The following RCOR1 variants were observed in gnomAD, a reference collection of about 807,000 sequenced individuals.
RCOR1 encodes REST corepressor.
In RCOR1, 12 loss-of-function variants were observed where a neutral mutation model predicts 64.0. That is an observed-to-expected ratio of 0.19 (90% CI 0.12 to 0.30). RCOR1 has a LOEUF of 0.30. RCOR1 is among the 10% of genes least tolerant of loss of function. The probability of loss-of-function intolerance (pLI) is 1.00; values close to 1 mark genes in which losing one functional copy is unlikely to be tolerated. For missense variants in RCOR1, 502 were observed against 621.2 expected, an observed-to-expected ratio of 0.81 and a Z score of 2.04; for synonymous variants, 279 against 227.2, an observed-to-expected ratio of 1.23 and a Z score of -2.05.
chr14:102,636,019 G>A (rs1456125379), intron 2 of RCOR1, among the ~76,000 whole-genome samples: 1 of 145,916 alleles, frequency 6.9e-6, no homozygotes, highest in East Asian at 2.2e-4. Context: ...TGCAACCTCC[G>A]CCTCCCAGGT....
At chr14:102,704,187 C>CT (rs1895804346) in intron 4 of RCOR1, among the ~76,000 whole-genome samples, 1 of 152,176 alleles carries the variant, frequency 6.6e-6, no homozygotes, top group Admixed American at 6.5e-5. Context: ...AGAGGGCCTG[C>CT]TTGACCCCAG....
chr14:102,677,146 C>T (rs1332636769), intron 2 of RCOR1, among the ~76,000 whole-genome samples: 32 of 134,102 alleles, frequency 2.4e-4, no homozygotes, highest in Non-Finnish European at 4.4e-4. Flanking sequence ...GGGCGGCTGG[C>T]CGGGCGGGGG....
At chr14:102,622,235 C>G (rs930927767) in intron 2 of RCOR1, among the ~76,000 whole-genome samples, 10 of 152,106 alleles carry the variant, frequency 6.6e-5, no homozygotes, top group African/African-American at 2.4e-4. Context: ...TCCTTAAAAT[C>G]ATAACTAAAA....
At chr14:102,686,459 G>A (rs1157209830) in intron 3 of RCOR1, among the ~76,000 whole-genome samples, 1 of 152,080 alleles carries the variant, frequency 6.6e-6, no homozygotes, top group African/African-American at 2.4e-5. Context: ...CTTATCACCC[G>A]AAATTCATAG....
In RCOR1 at chr14:102,592,950, GCCGCCTCCGCCTCCGCCGCCGCCGCCT is replaced by G. The variant is rs995846985; in HGVS notation, c.70_96del (p.Ser24_Ala32del). 8 of 1,189,376 alleles carry G rather than the reference GCCGCCTCCGCCTCCGCCGCCGCCGCCT, an allele frequency of 6.7e-6. No individual in the cohort carries two copies. The highest frequency in any genetic ancestry group is 8.4e-6 in the Non-Finnish European group (8 of 954,184). 73.7% of individuals were successfully genotyped at this position (1,189,376 alleles called of 1,614,324 possible). ...GAAGCGGAGAGGGAGGAACAACGCG[GCCGCCTCCGCCTCCGCCGCCGCCGCCT>G]CCGCCGCCGCCTCGGCCGCCTGCGC... On this transcript the variant is annotated inframe_deletion, in exon 1 of 12. Coordinates refer to ENST00000262241, the MANE Select transcript of RCOR1 (RefSeq NM_015156.4).
Position 102,592,821 on chromosome 14 carries a change from G to A in RCOR1, c.-66G>A. The A allele has an allele frequency of 8.6e-7, 1 of 1,167,130 alleles. No individual in the cohort carries two copies. Among genetic ancestry groups the A allele is most frequent in the Non-Finnish European group, 1.1e-6 (1 of 947,388 alleles). 72.3% of individuals were successfully genotyped at this position (1,167,130 alleles called of 1,614,324 possible). ...GCGCCGGCCCCGCGCCCCCTCCCCC[G>A]TCTCGGCGCCCCCTCCTCAGGAGCC... On this transcript the variant is annotated 5_prime_UTR_variant, in exon 1 of 12. Coordinates refer to ENST00000262241, the MANE Select transcript of RCOR1 (RefSeq NM_015156.4).
chr14:102,725,890 T>G (rs1403990035), intron 11 of RCOR1, among the ~76,000 whole-genome samples: 1 of 152,158 alleles, frequency 6.6e-6, no homozygotes, highest in East Asian at 1.9e-4. Flanking sequence ...CACTTAAATT[T>G]AATCCTGGTG....
intron 8 of RCOR1, among the ~76,000 whole-genome samples, chr14:102,717,854 C>A (rs896814794): frequency 1.3e-5 from 2 of 152,104 alleles, no homozygotes; most frequent in African/African-American, 2.4e-5. Context: ...AGGGAGGACT[C>A]AGCCTCACTC....
chr14:102,638,589 A>C (rs1210761839), intron 2 of RCOR1, among the ~76,000 whole-genome samples: 4 of 151,230 alleles, frequency 2.6e-5, no homozygotes, highest in African/African-American at 7.3e-5. Context: ...CAAGTGAGCT[A>C]CTGGCCTTGG....
At chr14:102,600,845 C>G (rs1272457161) in intron 2 of RCOR1, among the ~76,000 whole-genome samples, 1 of 149,618 alleles carries the variant, frequency 6.7e-6, no homozygotes, top group East Asian at 2.1e-4. Flanking sequence ...GCTGGGATTA[C>G]AGGCGTGAGC....
rs1283925724 is a variant in RCOR1 at position 102,708,450 on chromosome 14, A to AT, written c.661-9dup. ...CTTTTTTATTTAAATAAACCAACTC[A>AT]TTTTTTATGTTTAGCTTCCAGATAA... On this transcript the variant is annotated splice_polypyrimidine_tract_variant and intron_variant, in intron 5 of 11. Coordinates refer to ENST00000262241, the MANE Select transcript of RCOR1 (RefSeq NM_015156.4). The AT allele has an allele frequency of 2.2e-6, 3 of 1,349,972 alleles. No homozygotes were observed. The highest frequency in any genetic ancestry group is 3.2e-6 in the Non-Finnish European group (3 of 941,530). 83.6% of individuals were successfully genotyped at this position (1,349,972 alleles called of 1,614,324 possible).
intron 2 of RCOR1, among the ~76,000 whole-genome samples, chr14:102,677,025 C>T (rs1385568516): frequency 9.3e-6 from 1 of 107,362 alleles, no homozygotes; most frequent in African/African-American, 3.9e-5. Context: ...GCCGGCCGGG[C>T]GGGGGGCTGA....
At chr14:102,613,553 C>T (rs1567407878) in intron 2 of RCOR1, among the ~76,000 whole-genome samples, 1 of 151,432 alleles carries the variant, frequency 6.6e-6, no homozygotes, top group Non-Finnish European at 1.5e-5. Flanking sequence ...CTGCCTCAGC[C>T]TCCCGAGTAG....
intron 8 of RCOR1, among the ~76,000 whole-genome samples, chr14:102,720,296 A>G (rs571020026): frequency 6.6e-6 from 1 of 152,312 alleles, no homozygotes; most frequent in East Asian, 1.9e-4. Context: ...TCAAGGGTCC[A>G]TGGGAAAATT....
chr14:102,657,707 G>A (rs575698049), intron 2 of RCOR1: 2 of 378,186 alleles, frequency 5.3e-6, no homozygotes, highest in African/African-American at 4.4e-5. Flanking sequence ...ACTTGGTGGT[G>A]CGTGCCTGTA....
chr14:102,705,595 C>T (rs1426374118), intron 4 of RCOR1, among the ~76,000 whole-genome samples: 2 of 152,066 alleles, frequency 1.3e-5, no homozygotes, highest in East Asian at 1.9e-4. Context: ...GTTACAGGCG[C>T]GCACCACCAT....
At chr14:102,654,736 A>G (rs1260650019) in intron 2 of RCOR1, among the ~76,000 whole-genome samples, 1 of 151,824 alleles carries the variant, frequency 6.6e-6, no homozygotes, top group African/African-American at 2.4e-5. Context: ...TAAAAAAAGA[A>G]AAAAAATATA....
intron 11 of RCOR1, among the ~76,000 whole-genome samples, chr14:102,723,865 C>T (rs925914509): frequency 3.3e-5 from 5 of 152,138 alleles, no homozygotes; most frequent in South Asian, 2.1e-4. Context: ...ATTCCCTCTT[C>T]GCATTTGATC....
chr14:102,725,119 T>TA (rs1414125738), intron 11 of RCOR1, among the ~76,000 whole-genome samples: 16 of 152,204 alleles, frequency 1.1e-4, no homozygotes, highest in Admixed American at 2.0e-4. Context: ...TATCCAACCT[T>TA]ACACTGAAGA....
Sources: allele counts gnomAD v4.1 joint callset (sites outside exome capture counted in the v4.1 genomes callset), GRCh38; gene constraint gnomAD v4.1.1; transcripts MANE v1.5; gene names NCBI Gene and HGNC (gene_info 2026-07-23, HGNC 2026-07-21).